Variants in UBAC2 observed in about 807,000 individuals in gnomAD.
UBAC2 encodes the protein UBA domain containing 2.
In UBAC2, 26 loss-of-function variants were observed where a neutral mutation model predicts 44.0. The ratio of observed to expected loss-of-function variants is 0.59; its 90% CI spans 0.43 to 0.82. The LOEUF is 0.82. UBAC2 is among the 40% of genes least tolerant of loss of function. UBAC2 has a pLI of 0.00. For missense variants in UBAC2, 329 were observed against 419.4 expected (o/e 0.78, Z 1.88); for synonymous variants, 155 against 154.3 (o/e 1.00, Z -0.04).
chr13:99,318,325 G>C (rs747340193), intron 6 of UBAC2, among the ~76,000 whole-genome samples: 3 of 151,646 alleles, frequency 2.0e-5, no homozygotes, highest in Non-Finnish European at 4.4e-5. Flanking sequence ...GTGCCACCAC[G>C]CCTGGATAAT....
At chr13:99,275,342 C>T (rs1038904475) in intron 4 of UBAC2, among the ~76,000 whole-genome samples, 2 of 152,228 alleles carry the variant, frequency 1.3e-5, no homozygotes, top group African/African-American at 4.8e-5. Context: ...ACAGCTTCCC[C>T]CAGGTGAGTG....
chr13:99,380,935 C>T (rs1236388998), intron 8 of UBAC2, among the ~76,000 whole-genome samples: 2 of 152,210 alleles, frequency 1.3e-5, no homozygotes, highest in South Asian at 2.1e-4. Flanking sequence ...TGATCTGCCC[C>T]GCAGAGGATG....
chr13:99,235,734 G>C (rs1433803361), intron 1 of UBAC2, among the ~76,000 whole-genome samples: 1 of 152,144 alleles, frequency 6.6e-6, no homozygotes, highest in Non-Finnish European at 1.5e-5. Context: ...TAACCCTTTG[G>C]GAGGCTGAGG....
intron 1 of UBAC2, chr13:99,201,213 G>A (rs2142623308): frequency 1.4e-6 from 2 of 1,421,846 alleles, no homozygotes; most frequent in South Asian, 1.6e-5. Flanking sequence ...TCTTGGGGCC[G>A]CTGCAAGTGG....
At chr13:99,253,143 A>T (rs2043480496) in intron 4 of UBAC2, among the ~76,000 whole-genome samples, 1 of 150,800 alleles carries the variant, frequency 6.6e-6, no homozygotes, top group Admixed American at 6.6e-5. Context: ...AAAATATAAA[A>T]ATATATATAT....
chr13:99,278,767 C>A (rs2043916769), intron 4 of UBAC2, among the ~76,000 whole-genome samples: 3 of 152,122 alleles, frequency 2.0e-5, no homozygotes, highest in Admixed American at 6.5e-5. Context: ...AGGGTTATAT[C>A]TGTTTTACTG....
At chr13:99,335,923 G>A (rs1174377701) in intron 6 of UBAC2, among the ~76,000 whole-genome samples, 1 of 151,972 alleles carries the variant, frequency 6.6e-6, no homozygotes, top group Non-Finnish European at 1.5e-5. Flanking sequence ...GGGAGGCAGA[G>A]GCAGGAGGAT....
At chr13:99,378,628 T>C (rs1190362369) in intron 8 of UBAC2, among the ~76,000 whole-genome samples, 7 of 152,274 alleles carry the variant, frequency 4.6e-5, no homozygotes, top group African/African-American at 1.7e-4. Flanking sequence ...GGCATCATTT[T>C]ATCCTCATTT....
At chr13:99,360,891 G>A (rs1350327397) in intron 7 of UBAC2, among the ~76,000 whole-genome samples, 1 of 152,070 alleles carries the variant, frequency 6.6e-6, no homozygotes, top group East Asian at 1.9e-4. Context: ...GGCGCTCTTC[G>A]GGAGCAAGGA....
chr13:99,361,523 A>T (rs1466505857), intron 7 of UBAC2, among the ~76,000 whole-genome samples: 1 of 152,170 alleles, frequency 6.6e-6, no homozygotes, highest in Non-Finnish European at 1.5e-5. Context: ...TTCCCCTTCC[A>T]CTGTCCTGGA....
chr13:99,341,239 C>G (rs942400496), intron 7 of UBAC2, among the ~76,000 whole-genome samples: 2 of 152,186 alleles, frequency 1.3e-5, no homozygotes, highest in Non-Finnish European at 2.9e-5. Flanking sequence ...TTTTTCGCCT[C>G]CACCTTCTTT....
chr13:99,204,300 A>G (rs895053352), intron 1 of UBAC2, among the ~76,000 whole-genome samples: 1 of 152,146 alleles, frequency 6.6e-6, no homozygotes, highest in African/African-American at 2.4e-5. Flanking sequence ...AGACTTCCCA[A>G]TGTAGCAATA....
In UBAC2 at chr13:99,385,169, G is replaced by A. The variant is rs538902501; in HGVS notation, c.928-59G>A. On this transcript the variant is annotated intron_variant, in intron 8 of 8. Coordinates refer to ENST00000403766, the MANE Select transcript of UBAC2 (RefSeq NM_001144072.2). ...AAGGCTCACATGAAGAACATTTGGG[G>A]CCCAGGGATAAGCGGCAATGTCAGC... is the stretch of plus-strand genomic sequence containing the variant. The A allele has an allele frequency of 4.9e-4, 623 of 1,276,242 alleles. 4 individuals are homozygous for A. In the African/African-American group the frequency reaches 7.9e-3, roughly 16 times the overall value. The allele number at this position is 1,276,242 out of a possible 1,614,324, so 79.1% of individuals were successfully genotyped here.
Position 99,295,671 on chromosome 13 carries a change from C to T in UBAC2, c.390-18426C>T. The T allele has an allele frequency of 6.2e-7, 1 of 1,614,164 alleles. No homozygotes were observed. The highest frequency in any genetic ancestry group is 8.5e-7 in the Non-Finnish European group (1 of 1,180,034). ...AGGAGTGGGAGTGTCTGAGCAAATA[C>T]TAGAATCCAGACAAATATGCACACG... On this transcript the variant is annotated intron_variant, in intron 4 of 8. Transcript: ENST00000403766. This position sits in a 1 kb window ranked among gnomAD's most constrained non-coding sequence, Gnocchi z 4.1.
intron 4 of UBAC2, among the ~76,000 whole-genome samples, chr13:99,271,738 G>A (rs1046203763): frequency 1.3e-5 from 2 of 151,968 alleles, no homozygotes; most frequent in Non-Finnish European, 2.9e-5. Flanking sequence ...ATTTTTTATT[G>A]TGAACTCATT....
chr13:99,233,128 T>TC (rs1024767320), intron 1 of UBAC2, among the ~76,000 whole-genome samples: 1 of 151,796 alleles, frequency 6.6e-6, no homozygotes, highest in African/African-American at 2.4e-5. Flanking sequence ...TTTTTTTTTT[T>TC]CTGAGACGAA....
At chr13:99,373,937 C>T (rs1332012762) in intron 8 of UBAC2, among the ~76,000 whole-genome samples, 2 of 152,204 alleles carry the variant, frequency 1.3e-5, no homozygotes, top group African/African-American at 2.4e-5. Context: ...TTTCTCTATC[C>T]AGGCCCAGGA....
chr13:99,365,551 A>T (rs1441839877), intron 7 of UBAC2, among the ~76,000 whole-genome samples: 1 of 151,960 alleles, frequency 6.6e-6, no homozygotes, highest in Non-Finnish European at 1.5e-5. Flanking sequence ...TTGGTTTCCA[A>T]ATGTGTGAGG....
At chr13:99,292,665 G>A (rs567774925) in intron 4 of UBAC2, among the ~76,000 whole-genome samples, 25 of 150,326 alleles carry the variant, frequency 1.7e-4, no homozygotes, top group African/African-American at 5.4e-4. Flanking sequence ...CTATCCTCTC[G>A]CTGAATAGTC....
Sources: gnomAD v4.1 joint callset for allele counts (sites outside exome capture counted in the v4.1 genomes callset) on GRCh38, gnomAD v4.1.1 for gene constraint, Gnocchi (gnomAD v3.1) non-coding constraint, MANE v1.5 for transcripts, NCBI Gene and HGNC (gene_info 2026-07-23, HGNC 2026-07-21) for gene names.